Variants in CKAP5 observed in about 807,000 individuals in gnomAD.
The protein encoded by CKAP5 is cytoskeleton associated protein 5.
A neutral mutation model predicts 232.8 loss-of-function variants in CKAP5; 27 were observed. The ratio of observed to expected loss-of-function variants is 0.12; its 90% CI spans 0.09 to 0.16. CKAP5 has a LOEUF of 0.16. Ranked by LOEUF, CKAP5 falls within the 10% of genes least tolerant of loss-of-function variation. CKAP5 has a pLI of 1.00. For missense variants in CKAP5, 1,838 were observed against 2,424.7 expected, an observed-to-expected ratio of 0.76 and a Z score of 5.08; for synonymous variants, 785 against 841.1, an observed-to-expected ratio of 0.93 and a Z score of 1.16.
In CKAP5 at chr11:46,758,808, G is replaced by A. The variant is rs1354722651; in HGVS notation, c.4689+115C>T. The A allele has an allele frequency of 2.7e-5, 32 of 1,198,036 alleles. 1 individual carries two copies. Among genetic ancestry groups the A allele is most frequent in the Middle Eastern group, 2.3e-4 (1 of 4,314 alleles). 74.2% of individuals were successfully genotyped at this position (1,198,036 alleles called of 1,614,324 possible). A position where few individuals can be genotyped will look rare whatever the true frequency, so the allele number is the denominator to read the frequency against. ...CCTGTGCATTTCTTTCCTCGGGAAA[G>A]TATGAAACACTGCCTGCATCCCCTA... On this transcript the variant is annotated intron_variant, in intron 35 of 43. Transcript: ENST00000529230.
intron 24 of CKAP5, among the ~76,000 whole-genome samples, chr11:46,772,006 TC>T (rs2065251175): frequency 6.6e-6 from 1 of 151,418 alleles, no homozygotes; most frequent in South Asian, 2.1e-4. Flanking sequence ...AATTTGCATT[TC>T]CCTGGTTGCT....
intron 1 of CKAP5, among the ~76,000 whole-genome samples, chr11:46,831,844 T>C (rs1056823988): frequency 6.8e-6 from 1 of 147,792 alleles, no homozygotes; most frequent in African/African-American, 2.5e-5. Flanking sequence ...AAGTCTTAAA[T>C]ATACAATAAA....
At position 46,744,168 on chromosome 11, in the gene CKAP5, A is replaced by G; in HGVS notation, c.5954T>C (p.Leu1985Pro). ...CTGGTGCTGCTCCCGTGACTCCCGG[A>G]GCTGAGAGAGTTTGCTGTGGAGCAT... The part of the protein sequence containing the change: ...TDMLHSKLSQ[L>P]RESREQHQHS... The change falls in exon 44 of 44, where the codon CTC (leucine) becomes CCC (proline). Residue 1985 changes from leucine to proline, a missense_variant. By Grantham distance (98) the Leu-to-Pro change is moderately conservative. Around this residue, in one of 6 missense-constraint regions of CKAP5, gnomAD observed 62 missense variants for 61.1 expected, o/e 1.01. Transcript: ENST00000529230. The G allele has an allele frequency of 6.2e-7, 1 of 1,614,074 alleles. No individual in the cohort carries two copies. The highest frequency in any genetic ancestry group is 8.5e-7 in the Non-Finnish European group (1 of 1,180,024).
intron 24 of CKAP5, among the ~76,000 whole-genome samples, chr11:46,772,733 C>CTT (rs139098308): frequency 2.7e-4 from 40 of 145,612 alleles, no homozygotes; most frequent in Admixed American, 7.5e-4. Context: ...AGTGATTCCT[C>CTT]TTTTTTTTTT....
In CKAP5 at chr11:46,808,014, C is replaced by A. The variant is rs763163689; in HGVS notation, c.978+17G>T. On this transcript the variant is annotated intron_variant, in intron 8 of 43. Coordinates refer to ENST00000529230, the MANE Select transcript of CKAP5 (RefSeq NM_001008938.4). The stretch of plus-strand genomic sequence containing the variant: ...GATGGCTGTTACAATACCAGTACTG[C>A]AAGTCCTCATATTTACCTTCTTTAA... 6.4e-7 allele frequency: 1 copy of A among 1,573,612 alleles called. No individual in the cohort carries two copies. Among genetic ancestry groups the A allele is most frequent in the South Asian group, 1.1e-5 (1 of 89,916 alleles).
At chr11:46,763,695 A>C in intron 28 of CKAP5, 65 bp from the exon 29 acceptor site, 1 of 1,064,128 alleles carries the variant, frequency 9.4e-7, no homozygotes, top group Non-Finnish European at 1.3e-6. Flanking sequence ...AGAGAGCCTT[A>C]TATAATGCAG....
At chr11:46,845,956 A>G (rs1243897669) in intron 1 of CKAP5, among the ~76,000 whole-genome samples, 1 of 151,296 alleles carries the variant, frequency 6.6e-6, no homozygotes, top group African/African-American at 2.4e-5. Flanking sequence ...GGACGCTGCC[A>G]CCCGCGCCAC....
At chr11:46,786,210 A>G (rs1296703912) in intron 16 of CKAP5, among the ~76,000 whole-genome samples, 1 of 152,172 alleles carries the variant, frequency 6.6e-6, no homozygotes, top group Non-Finnish European at 1.5e-5. Context: ...TAAAGAAAGG[A>G]TGCTGAATTT....
chr11:46,788,879 A>T, intron 15 of CKAP5, 106 bp from the exon 16 acceptor site: 1 of 763,754 alleles, frequency 1.3e-6, no homozygotes, highest in East Asian at 2.6e-5. Flanking sequence ...AAAGGAGTGG[A>T]ATAGAACTGA....
chr11:46,828,071 G>A (rs1939695785), intron 1 of CKAP5, among the ~76,000 whole-genome samples: 1 of 152,170 alleles, frequency 6.6e-6, no homozygotes, highest in Non-Finnish European at 1.5e-5. Context: ...AATGTAGTAA[G>A]CTTAAAGACC....
chr11:46,749,483 A>G (rs984620786), intron 42 of CKAP5, among the ~76,000 whole-genome samples: 1 of 145,812 alleles, frequency 6.9e-6, no homozygotes, highest in Non-Finnish European at 1.5e-5. Context: ...AAAAAAATCT[A>G]TTTGAAACCC....
At chr11:46,758,594 G>T (rs1592437305) in intron 35 of CKAP5, among the ~76,000 whole-genome samples, 1 of 152,028 alleles carries the variant, frequency 6.6e-6, no homozygotes, top group South Asian at 2.1e-4. Context: ...TACTCAGGAA[G>T]CTGAGAGAGG....
intron 8 of CKAP5, among the ~76,000 whole-genome samples, chr11:46,804,920 G>A (rs1939119091): frequency 6.6e-6 from 1 of 151,736 alleles, no homozygotes; most frequent in Non-Finnish European, 1.5e-5. Context: ...GCGATGAGCT[G>A]GGAGGGAGGC....
chr11:46,807,972 G>T, intron 8 of CKAP5, 59 bp downstream of exon 8: 1 of 1,192,652 alleles, frequency 8.4e-7, no homozygotes, highest in Non-Finnish European at 1.2e-6. Context: ...GATGACTGAT[G>T]AGAAATTCAA....
At position 46,753,350 on chromosome 11, in the gene CKAP5, C is replaced by T; in HGVS notation, c.5017G>A (p.Val1673Met). 6.2e-7 allele frequency: 1 copy of T among 1,613,482 alleles called. No individual in the cohort carries two copies. Among genetic ancestry groups the T allele is most frequent in the Non-Finnish European group, 8.5e-7 (1 of 1,179,774 alleles). Residue 1673 changes from valine (V) to methionine (M), a missense_variant, in exon 37 of 44, where the codon GTG (valine) becomes ATG (methionine). Transcript: ENST00000529230. Reference sequence around the variant, plus strand: ...TGGTCTGACTTCTCCAGAACCTTCACCACCAAGAGGTTCACAGAGCGGATG... The same window carrying T: ...TGGTCTGACTTCTCCAGAACCTTCATCACCAAGAGGTTCACAGAGCGGATG... ...QVIRSVNLLV[V>M]KVLEKSDQTN...
intron 1 of CKAP5, among the ~76,000 whole-genome samples, chr11:46,834,002 TG>T (rs1219363217): frequency 6.6e-6 from 1 of 152,172 alleles, no homozygotes; most frequent in Non-Finnish European, 1.5e-5. Flanking sequence ...CCTGAGTAGC[TG>T]GGATTACAGG....
intron 25 of CKAP5, 82 bp from the exon 26 acceptor site, chr11:46,770,180 A>C (rs1246048587): frequency 1.4e-6 from 2 of 1,435,692 alleles, no homozygotes; most frequent in Non-Finnish European, 2.0e-6. Flanking sequence ...ATCCTCTGTC[A>C]AACAAATGAT....
chr11:46,830,941 T>C (rs1041157578), intron 1 of CKAP5, among the ~76,000 whole-genome samples: 2 of 152,152 alleles, frequency 1.3e-5, no homozygotes, highest in African/African-American at 4.8e-5. Flanking sequence ...GGCGGGTGCC[T>C]GTAGTCCCAG....
rs548971618 is a variant in CKAP5, at chr11:46,816,422, G to A, written c.252-18C>T. On this transcript the variant is annotated intron_variant, in intron 3 of 43. Transcript: ENST00000529230. ...CTGTGGTTCTGTAACATATTATAAA[G>A]AACAAAAATCCCACTTAAGTAGTAA... 9.2e-4 allele frequency: 1,485 copies of A among 1,606,238 alleles called. 28 individuals carry two copies. In the South Asian group the frequency reaches 0.016, roughly 17 times the overall value.
Sources: allele counts gnomAD v4.1 joint callset (sites outside exome capture counted in the v4.1 genomes callset), GRCh38; gene constraint gnomAD v4.1.1; regional missense constraint gnomAD v4.1.1; transcripts MANE v1.5; gene names NCBI Gene and HGNC (gene_info 2026-07-23, HGNC 2026-07-21).